TAF1A: variants seen among roughly 807,000 people sequenced by gnomAD.
The protein encoded by TAF1A is TATA box-binding protein-associated factor RNA polymerase I subunit A.
In TAF1A, 42 loss-of-function variants were observed where a neutral mutation model predicts 61.6. That is an observed-to-expected ratio of 0.68 (90% CI 0.53 to 0.88). The LOEUF is 0.88. TAF1A is among the 40% of genes least tolerant of loss of function. The probability of loss-of-function intolerance (pLI) is 0.00; values close to 1 mark genes in which losing one functional copy is unlikely to be tolerated. For missense variants in TAF1A, 424 were observed against 518.7 expected, an observed-to-expected ratio of 0.82 and a Z score of 1.77; for synonymous variants, 179 against 177.7, an observed-to-expected ratio of 1.01 and a Z score of -0.06.
intron 3 of TAF1A, among the ~76,000 whole-genome samples, chr1:222,581,038 G>A (rs973619865): frequency 2.6e-5 from 4 of 152,124 alleles, no homozygotes; most frequent in Admixed American, 6.5e-5. Context: ...GGAGCTTGCA[G>A]CGAGCCAAGA....
chr1:222,579,628 T>C (rs1660705062), intron 4 of TAF1A, 131 bp downstream of exon 4: 1 of 1,114,474 alleles, frequency 9.0e-7, no homozygotes, highest in South Asian at 1.6e-5. Context: ...TTTCTTTCAG[T>C]TTCTCTTATT....
intron 5 of TAF1A, among the ~76,000 whole-genome samples, chr1:222,574,923 T>C (rs1660504743): frequency 6.6e-6 from 1 of 152,124 alleles, no homozygotes; most frequent in Non-Finnish European, 1.5e-5. Context: ...GAATTTTAGG[T>C]TAGGGTGACA....
chr1:222,579,201 CA>C (rs1301105743), intron 4 of TAF1A, among the ~76,000 whole-genome samples: 1 of 152,112 alleles, frequency 6.6e-6, no homozygotes, highest in African/African-American at 2.4e-5. Context: ...AATAGACACT[CA>C]AAACATTTTT....
In TAF1A at chr1:222,577,515, A is replaced by G; in HGVS notation, c.534T>C (p.Leu178=). The G allele has an allele frequency of 6.2e-7, 1 of 1,614,022 alleles. No homozygotes were observed. The highest frequency in any genetic ancestry group is 8.5e-7 in the Non-Finnish European group (1 of 1,179,928). ...GTAAAAGCCCTTTATAGGCCTGAAT[A>G]AGGTTGATTAATATTTCCCGGGAAG... ...NTSSREILIN[L]IQAYKGLLQY... is the part of the protein sequence containing the mutation. Residue 178 remains leucine (L), a synonymous_variant, in exon 5 of 11, where the codon CTT becomes CTC. Coordinates refer to ENST00000352967, the MANE Select transcript of TAF1A (RefSeq NM_005681.4).
intron 5 of TAF1A, among the ~76,000 whole-genome samples, chr1:222,573,162 G>A (rs1660429426): frequency 6.6e-6 from 1 of 152,082 alleles, no homozygotes; most frequent in South Asian, 2.1e-4. Flanking sequence ...CCACCTACTC[G>A]GGAGGCTGAG....
At chr1:222,565,485 AGTTATTTTCT>A (rs1240663621) in intron 7 of TAF1A, among the ~76,000 whole-genome samples, 1 of 152,234 alleles carries the variant, frequency 6.6e-6, no homozygotes, top group Non-Finnish European at 1.5e-5. Flanking sequence ...AGTATTCAAC[AGTTATTTTCT>A]GTAGCATTTT....
intron 5 of TAF1A, among the ~76,000 whole-genome samples, chr1:222,575,554 A>T (rs1048086229): frequency 1.1e-4 from 16 of 152,140 alleles, no homozygotes; most frequent in African/African-American, 3.9e-4. Context: ...CCTGAGTATA[A>T]ATTGGGTTTG....
chr1:222,564,462 G>A (rs1339924279), intron 7 of TAF1A, among the ~76,000 whole-genome samples: 1 of 151,474 alleles, frequency 6.6e-6, no homozygotes, highest in Non-Finnish European at 1.5e-5. Context: ...CAGAAGCCAG[G>A]ACTGAAGAAA....
chr1:222,558,643 A>G lies in TAF1A; in HGVS notation c.*17T>C, dbSNP rs1467774685. The G allele has an allele frequency of 7.3e-7, 1 of 1,370,638 alleles. No homozygotes were observed. Among genetic ancestry groups the G allele is most frequent in the Admixed American group, 2.2e-5 (1 of 46,308 alleles). 84.9% of individuals were successfully genotyped at this position (1,370,638 alleles called of 1,614,324 possible). A position where few individuals can be genotyped will look rare whatever the true frequency, so the allele number is the denominator to read the frequency against. On this transcript the variant is annotated 3_prime_UTR_variant, in exon 11 of 11. Transcript: ENST00000352967. The stretch of plus-strand genomic sequence containing the variant: ...CTTACTGTGTAGCTACAACTGTGAA[A>G]TAACTAAAATTCAGTATCAGAGTCT...
chr1:222,589,923 A>G lies in TAF1A; in HGVS notation c.-199T>C. 1 of 397,260 alleles carries G rather than the reference A, an allele frequency of 2.5e-6. No individual in the cohort carries two copies. The highest frequency in any genetic ancestry group is 4.4e-6 in the Non-Finnish European group (1 of 225,732). The allele number at this position is 397,260 out of a possible 1,614,324, so 24.6% of individuals were successfully genotyped here. A position where few individuals can be genotyped will look rare whatever the true frequency, so the allele number is the denominator to read the frequency against. On this transcript the variant is annotated 5_prime_UTR_variant, in exon 1 of 11. Transcript: ENST00000352967. ...CAGGCGTATCGTTGGCCTCGCCTCG[A>G]CCCCGGAAGTGACTTCTGGAAGTGA...
At chr1:222,586,628 G>T (rs1661028285) in intron 2 of TAF1A, among the ~76,000 whole-genome samples, 1 of 152,190 alleles carries the variant, frequency 6.6e-6, no homozygotes, top group Non-Finnish European at 1.5e-5. Flanking sequence ...GCTACTCAAA[G>T]AATCTGGAAA....
intron 5 of TAF1A, among the ~76,000 whole-genome samples, chr1:222,574,056 A>G (rs1356533516): frequency 6.6e-6 from 1 of 152,158 alleles, no homozygotes; most frequent in Non-Finnish European, 1.5e-5. Context: ...TGAAATGTCC[A>G]GAACAGGCAA....
At position 222,584,169 on chromosome 1, in the gene TAF1A, A is replaced by C. The variant is rs546915182; in HGVS notation, c.250T>G (p.Leu84Val). Residue 84 changes from leucine (L) to valine (V), a missense_variant, in exon 3 of 11, where the codon TTG becomes GTG. By Grantham distance (32) the Leu-to-Val change is conservative (BLOSUM62 1). Transcript: ENST00000352967. ...AEYMYSYFQT[L>V]EDSDSYKRQA... The stretch of plus-strand genomic sequence containing the variant: ...CTTTTGTAGCTATCTGAATCTTCCA[A>C]GGTCTGAAAATAACTGTACATGTAT... 3.7e-6 allele frequency: 6 copies of C among 1,611,038 alleles called. No homozygotes were observed. In the South Asian group the frequency reaches 6.6e-5, roughly 18 times the overall value.
chr1:222,573,498 A>G (rs1488382139), intron 5 of TAF1A, among the ~76,000 whole-genome samples: 1 of 152,214 alleles, frequency 6.6e-6, no homozygotes, highest in Non-Finnish European at 1.5e-5. Context: ...AAGCACATGA[A>G]AAGATGCTCA....
chr1:222,582,365 T>C (rs1358994591), intron 3 of TAF1A, among the ~76,000 whole-genome samples: 3 of 152,226 alleles, frequency 2.0e-5, no homozygotes, highest in Non-Finnish European at 4.4e-5. Flanking sequence ...TCATTAGTCA[T>C]TAGAGAAATG....
At chr1:222,578,533 G>A (rs750667946) in intron 4 of TAF1A, among the ~76,000 whole-genome samples, 4 of 152,282 alleles carry the variant, frequency 2.6e-5, no homozygotes, top group South Asian at 4.1e-4. Flanking sequence ...TGGATGTAGG[G>A]CTTTTAAACT....
rs187439406 is a variant in TAF1A at position 222,564,136 on chromosome 1, G to T, written c.895-11C>A. 5 of 1,532,092 alleles carry T rather than the reference G, an allele frequency of 3.3e-6. No homozygotes were observed. In the South Asian group the frequency reaches 4.7e-5, roughly 14 times the overall value. 94.9% of individuals were successfully genotyped at this position (1,532,092 alleles called of 1,614,324 possible). A position where few individuals can be genotyped will look rare whatever the true frequency, so the allele number is the denominator to read the frequency against. On this transcript the variant is annotated splice_polypyrimidine_tract_variant and intron_variant, in intron 7 of 10. Coordinates refer to ENST00000352967, the MANE Select transcript of TAF1A (RefSeq NM_005681.4). ...AATCTGATACAAAATCTGAAAGAAA[G>T]AACAGTCTTGTAATCTTTACATACT...
At chr1:222,571,667 A>G (rs1269183873) in intron 5 of TAF1A, among the ~76,000 whole-genome samples, 1 of 152,152 alleles carries the variant, frequency 6.6e-6, no homozygotes, top group South Asian at 2.1e-4. Context: ...GAAATTTTAC[A>G]AAAGAGATGC....
At chr1:222,570,778 G>A (rs1372963758) in intron 5 of TAF1A, 113 bp from the exon 6 acceptor site, 1 of 965,886 alleles carries the variant, frequency 1.0e-6, no homozygotes, top group Non-Finnish European at 1.5e-6. Flanking sequence ...AGCTACAACA[G>A]TAAATTCCAA....
Sources: allele counts gnomAD v4.1 joint callset (sites outside exome capture counted in the v4.1 genomes callset), GRCh38; gene constraint gnomAD v4.1.1; transcripts MANE v1.5; gene names NCBI Gene and HGNC (gene_info 2026-07-23, HGNC 2026-07-21).